The following SHISA6 variants were observed in gnomAD, a reference collection of about 807,000 sequenced individuals.
SHISA6 encodes the protein shisa family member 6, also known as protein shisa-6.
A neutral mutation model predicts 47.9 loss-of-function variants in SHISA6; 22 were observed. The ratio of observed to expected loss-of-function variants is 0.46; its 90% CI spans 0.33 to 0.66. The LOEUF is 0.66. Among genes scored for constraint, SHISA6 ranks in the 30% least tolerant of loss-of-function variants. The probability of loss-of-function intolerance (pLI) is 0.02; values close to 1 mark genes in which losing one functional copy is unlikely to be tolerated. For missense variants in SHISA6, 680 were observed against 764.6 expected, an observed-to-expected ratio of 0.89 and a Z score of 1.30; for synonymous variants, 388 against 337.8, an observed-to-expected ratio of 1.15 and a Z score of -1.63.
At position 11,241,450 on chromosome 17, in the gene SHISA6, C is replaced by G; in HGVS notation, c.28C>G (p.Leu10Val). The G allele has an allele frequency of 1.7e-6, 2 of 1,206,398 alleles. No homozygotes were observed. The highest frequency in any genetic ancestry group is 1.7e-5 in the South Asian group (1 of 59,952). 74.7% of individuals were successfully genotyped at this position (1,206,398 alleles called of 1,614,324 possible). ...GGCGCTGCGGCGCCTCCTGCTGCTG[C>G]TGCTGCTCTCGCTGGAGTCCCTGGA... MALRRLLLL[L>V]LLSLESLDLL... The change falls in exon 1 of 6, where the codon CTG becomes GTG. Residue 10 changes from leucine to valine, a missense_variant. Physicochemically the swap from Leu to Val is conservative, Grantham distance 32 (BLOSUM62 1). Transcript: ENST00000441885. This position sits in a 1 kb window ranked among gnomAD's most constrained non-coding sequence, Gnocchi z 5.5.
intron 2 of SHISA6, among the ~76,000 whole-genome samples, chr17:11,277,280 TCACACACACACACACACACACA>T (rs113287260): frequency 1.9e-5 from 1 of 53,864 alleles, no homozygotes. Context: ...TCTCTCTCTC[TCACACACACACACACACACACA>T]CACACACACA....
intron 1 of SHISA6, among the ~76,000 whole-genome samples, chr17:11,255,330 G>A (rs968655190): frequency 1.3e-5 from 2 of 152,068 alleles, no homozygotes; most frequent in Non-Finnish European, 2.9e-5. Context: ...GAAAAATGAA[G>A]GGAGGAGGGA....
At chr17:11,321,895 T>C (rs949824721) in intron 2 of SHISA6, among the ~76,000 whole-genome samples, 2 of 152,106 alleles carry the variant, frequency 1.3e-5, no homozygotes, top group Admixed American at 6.6e-5. Flanking sequence ...TCATCAGCTA[T>C]TGTTAGTGTT....
chr17:11,315,928 T>C (rs1400500159), intron 2 of SHISA6, among the ~76,000 whole-genome samples: 2 of 152,186 alleles, frequency 1.3e-5, no homozygotes, highest in African/African-American at 4.8e-5. Flanking sequence ...TTGTTAATCA[T>C]TTTTTATGCT....
chr17:11,244,186 T>C (rs1008321184), intron 1 of SHISA6, among the ~76,000 whole-genome samples: 5 of 152,140 alleles, frequency 3.3e-5, no homozygotes, highest in African/African-American at 1.2e-4. Flanking sequence ...CCTCAGAGCT[T>C]TATGCAAATA....
intron 3 of SHISA6, among the ~76,000 whole-genome samples, chr17:11,536,032 A>G (rs1469035577): frequency 6.6e-6 from 1 of 151,500 alleles, no homozygotes; most frequent in African/African-American, 2.4e-5. Context: ...AGAGAGAGAA[A>G]GTGAGACAGA....
intron 2 of SHISA6, among the ~76,000 whole-genome samples, chr17:11,350,127 G>T (rs1030933184): frequency 2.0e-5 from 3 of 151,080 alleles, no homozygotes; most frequent in African/African-American, 7.3e-5. Flanking sequence ...AAGTAGCTGG[G>T]ATTACAGGCA....
intron 2 of SHISA6, among the ~76,000 whole-genome samples, chr17:11,278,094 T>C (rs1055604996): frequency 2.0e-5 from 3 of 150,390 alleles, no homozygotes; most frequent in South Asian, 4.2e-4. Flanking sequence ...TTAAAAAATA[T>C]CAGGTGAAGT....
intron 3 of SHISA6, among the ~76,000 whole-genome samples, chr17:11,424,312 A>G (rs548303183): frequency 2.0e-5 from 3 of 152,336 alleles, no homozygotes; most frequent in Non-Finnish European, 4.4e-5. Flanking sequence ...GTGCCAGATG[A>G]TGCTGTGATG....
intron 1 of SHISA6, among the ~76,000 whole-genome samples, chr17:11,261,599 G>C (rs1254024779): frequency 6.6e-6 from 1 of 152,210 alleles, no homozygotes; most frequent in Admixed American, 6.5e-5. Context: ...CACTTAGCAT[G>C]ATGTTTTCAA....
chr17:11,466,653 G>A (rs148462238), intron 3 of SHISA6, among the ~76,000 whole-genome samples: 5 of 152,150 alleles, frequency 3.3e-5, no homozygotes, highest in South Asian at 2.1e-4. Flanking sequence ...GATGCCATCC[G>A]TCCTCAAAGA....
rs184803625 is a variant in SHISA6, at chr17:11,549,509, T to C, written c.896-2387T>C. Among the ~76,000 whole-genome samples the C allele has an allele frequency of 1.7e-3, 261 of 152,342 alleles. 7 individuals carry two copies. The highest frequency in any genetic ancestry group is 4.3e-4 in the Non-Finnish European group (29 of 68,034). ...GCAAATGGTAGGCCAATAATATATA[T>C]TCATTCTACTTCAGTCCTCATTTAA... On this transcript the variant is annotated intron_variant, in intron 3 of 5. Coordinates refer to ENST00000441885, the MANE Select transcript of SHISA6 (RefSeq NM_207386.4).
chr17:11,446,742 G>A (rs1275300062), intron 3 of SHISA6, among the ~76,000 whole-genome samples: 3 of 152,158 alleles, frequency 2.0e-5, no homozygotes, highest in African/African-American at 7.2e-5. Context: ...TCCTGGCCCA[G>A]CTTCCAAGGT....
At chr17:11,542,621 G>A (rs2071843613) in intron 3 of SHISA6, among the ~76,000 whole-genome samples, 2 of 151,986 alleles carry the variant, frequency 1.3e-5, no homozygotes, top group Non-Finnish European at 1.5e-5. Flanking sequence ...GGATGAAATA[G>A]GTTCTAAAAT....
intron 3 of SHISA6, among the ~76,000 whole-genome samples, chr17:11,464,123 C>T (rs148411835): frequency 6.6e-6 from 1 of 152,142 alleles, no homozygotes; most frequent in African/African-American, 2.4e-5. Flanking sequence ...TGCTATGTTG[C>T]CCAGGCTGGT....
chr17:11,247,665 C>T (rs1029501471), intron 1 of SHISA6, among the ~76,000 whole-genome samples: 3 of 151,944 alleles, frequency 2.0e-5, no homozygotes, highest in South Asian at 4.2e-4. Context: ...AGACTAAGTA[C>T]GTTTTGTAGT....
At chr17:11,259,449 A>G (rs1371778303) in intron 1 of SHISA6, among the ~76,000 whole-genome samples, 1 of 152,220 alleles carries the variant, frequency 6.6e-6, no homozygotes, top group African/African-American at 2.4e-5. Context: ...ATAGTCTTTA[A>G]TATCTCGAGC....
chr17:11,454,177 C>T (rs896706726), intron 3 of SHISA6, among the ~76,000 whole-genome samples: 67 of 152,204 alleles, frequency 4.4e-4, no homozygotes, highest in African/African-American at 1.5e-3. Context: ...TCTCTTCCTA[C>T]TCCCCATATT....
At chr17:11,337,765 A>G (rs1345668026) in intron 2 of SHISA6, among the ~76,000 whole-genome samples, 4 of 152,142 alleles carry the variant, frequency 2.6e-5, no homozygotes, top group Non-Finnish European at 5.9e-5. Context: ...GCCTGTCTTC[A>G]CCATCAGACC....
Sources: allele counts gnomAD v4.1 joint callset (sites outside exome capture counted in the v4.1 genomes callset), GRCh38; gene constraint gnomAD v4.1.1; non-coding constraint Gnocchi (gnomAD v3.1); transcripts MANE v1.5; gene names NCBI Gene and HGNC (gene_info 2026-07-23, HGNC 2026-07-21).